The following FOXK2 variants were observed in gnomAD, a reference collection of about 807,000 sequenced individuals.
FOXK2 encodes forkhead box K2, also known as forkhead box protein K2.
Under a neutral mutation model 53.3 loss-of-function variants are expected in FOXK2, and 24 were observed. That is an observed-to-expected ratio of 0.45 (90% confidence interval 0.33 to 0.63). FOXK2 has a LOEUF of 0.63. Ranked by LOEUF, FOXK2 falls within the 30% of genes least tolerant of loss-of-function variation. The pLI is 0.03. For synonymous variants in FOXK2, 505 were observed against 407.1 expected (o/e 1.24, Z -2.89); for missense variants, 952 against 910.5 (o/e 1.05, Z -0.59).
At chr17:82,559,666 C>T (rs1208136003) in intron 1 of FOXK2, among the ~76,000 whole-genome samples, 1 of 148,440 alleles carries the variant, frequency 6.7e-6, no homozygotes, top group Non-Finnish European at 1.5e-5. Context: ...ACACACACCA[C>T]CCCCCACCCA....
intron 8 of FOXK2, chr17:82,598,971 C>T (rs1228816808): frequency 6.6e-6 from 1 of 152,344 alleles, no homozygotes. Context: ...CGTGGGTGGG[C>T]TCAGCGGCCT....
chr17:82,587,116 C>A lies in FOXK2; in HGVS notation c.1630C>A (p.Arg544=). The change falls in exon 8 of 9, where the codon CGG becomes AGG. Residue 544 remains arginine, a synonymous_variant. Coordinates refer to ENST00000335255, the MANE Select transcript of FOXK2 (RefSeq NM_004514.4). ...CCACGCCACGCTCGGCACTGCCAGCCGGATCATTCAGACGGCACAGACCAC... is the reference window on the plus strand; with the variant it reads ...CCACGCCACGCTCGGCACTGCCAGCAGGATCATTCAGACGGCACAGACCAC... ...IGHATLGTAS[R]IIQTAQTTPV... 1 of 1,613,084 alleles carries A rather than the reference C, an allele frequency of 6.2e-7. No homozygotes were observed. Among genetic ancestry groups the A allele is most frequent in the Non-Finnish European group, 8.5e-7 (1 of 1,180,026 alleles).
At chr17:82,558,960 A>G (rs1019937432) in intron 1 of FOXK2, among the ~76,000 whole-genome samples, 6 of 152,038 alleles carry the variant, frequency 3.9e-5, no homozygotes, top group African/African-American at 1.4e-4. Context: ...CGTGTTATCC[A>G]GGATGGTCTC....
intron 1 of FOXK2, among the ~76,000 whole-genome samples, chr17:82,521,423 C>T (rs922650473): frequency 4.6e-5 from 7 of 151,570 alleles, no homozygotes; most frequent in African/African-American, 1.7e-4. Flanking sequence ...CCACCCGCCT[C>T]GGCCTCCCAA....
chr17:82,587,120 T>C lies in FOXK2; in HGVS notation c.1634T>C (p.Ile545Thr). 1 of 1,613,048 alleles carries C rather than the reference T, an allele frequency of 6.2e-7. No homozygotes were observed. The change falls in exon 8 of 9, where the codon ATC (isoleucine) becomes ACC (threonine). Residue 545 changes from isoleucine to threonine, a missense_variant. Ile to Thr is a moderately conservative substitution (Grantham distance 89, BLOSUM62 -1). Transcript: ENST00000335255. ...GHATLGTASR[I>T]IQTAQTTPVQ... The stretch of plus-strand genomic sequence containing the variant: ...GCCACGCTCGGCACTGCCAGCCGGA[T>C]CATTCAGACGGCACAGACCACCCCG...
chr17:82,533,601 G>A (rs975359476), intron 1 of FOXK2, among the ~76,000 whole-genome samples: 23 of 152,132 alleles, frequency 1.5e-4, no homozygotes, highest in South Asian at 2.1e-4. Context: ...ACGGCTGTTC[G>A]CGTAGTAGGT....
intron 2 of FOXK2, among the ~76,000 whole-genome samples, chr17:82,565,031 C>T (rs1567975846): frequency 6.6e-6 from 1 of 152,112 alleles, no homozygotes; most frequent in Admixed American, 6.6e-5. Context: ...CGCCTGGCCT[C>T]ATCAAATGGT....
chr17:82,526,788 G>C (rs1172188920), intron 1 of FOXK2, among the ~76,000 whole-genome samples: 1 of 150,164 alleles, frequency 6.7e-6, no homozygotes, highest in Non-Finnish European at 1.5e-5. Context: ...CCGAGATCGC[G>C]CCACTGCACT....
intron 1 of FOXK2, chr17:82,559,561 T>C: frequency 2.2e-6 from 1 of 448,180 alleles, no homozygotes; most frequent in Non-Finnish European, 4.5e-6. Context: ...ACTCAGGAGA[T>C]GATGGGTGGG....
intron 1 of FOXK2, among the ~76,000 whole-genome samples, chr17:82,546,582 G>C (rs1465459621): frequency 6.6e-6 from 1 of 152,038 alleles, no homozygotes; most frequent in African/African-American, 2.4e-5. Context: ...AGTGCCCCAA[G>C]AGTGAAGTGC....
At chr17:82,530,480 C>T (rs985338682) in intron 1 of FOXK2, among the ~76,000 whole-genome samples, 1 of 146,940 alleles carries the variant, frequency 6.8e-6, no homozygotes, top group Non-Finnish European at 1.5e-5. Flanking sequence ...AGAGAAAACC[C>T]GAAATAAGGA....
intron 8 of FOXK2, among the ~76,000 whole-genome samples, chr17:82,589,102 C>G (rs143493885): frequency 5.9e-5 from 9 of 152,164 alleles, no homozygotes; most frequent in South Asian, 2.1e-4. Flanking sequence ...TTTAAGTTAT[C>G]TGGAATTTTT....
At chr17:82,601,282 G>C in intron 8 of FOXK2, 21 bp from the exon 9 acceptor site, 9 of 1,604,142 alleles carry the variant, frequency 5.6e-6, no homozygotes, top group Non-Finnish European at 7.7e-6. Context: ...GTGGGGTTCT[G>C]ACTCCCTCGT....
intron 2 of FOXK2, among the ~76,000 whole-genome samples, chr17:82,566,225 G>A (rs980180364): frequency 5.3e-5 from 8 of 151,778 alleles, no homozygotes; most frequent in Admixed American, 1.3e-4. Flanking sequence ...TAAATTTTAT[G>A]TTGTGTGTAT....
intron 8 of FOXK2, among the ~76,000 whole-genome samples, chr17:82,594,527 C>A (rs1382555577): frequency 2.0e-5 from 3 of 149,888 alleles, no homozygotes; most frequent in African/African-American, 7.4e-5. Flanking sequence ...GCTCCAGACA[C>A]TTCAGTTTGA....
At chr17:82,544,717 A>G (rs72861059) in intron 1 of FOXK2, among the ~76,000 whole-genome samples, 23,441 of 151,926 alleles carry the variant, frequency 0.15, 2,211 homozygotes, top group East Asian at 0.32. Flanking sequence ...TGGAAAAGGG[A>G]TTGTGGACCT....
At chr17:82,564,322 C>T (rs72862318) in intron 2 of FOXK2, among the ~76,000 whole-genome samples, 12 of 152,120 alleles carry the variant, frequency 7.9e-5, no homozygotes, top group Non-Finnish European at 1.3e-4. Context: ...CTCCTGACCT[C>T]GTCATCCACC....
intron 3 of FOXK2, among the ~76,000 whole-genome samples, chr17:82,569,485 TGA>T (rs930996876): frequency 2.0e-5 from 3 of 152,198 alleles, no homozygotes; most frequent in Non-Finnish European, 2.9e-5. Context: ...GGTAGTGGGC[TGA>T]GAGGGCCCAT....
chr17:82,544,831 T>C (rs990977284), intron 1 of FOXK2, among the ~76,000 whole-genome samples: 2 of 152,014 alleles, frequency 1.3e-5, no homozygotes, highest in Non-Finnish European at 2.9e-5. Flanking sequence ...CTGGCTTCCG[T>C]CCAGCTCTGT....
Sources: gnomAD v4.1 joint callset for allele counts (sites outside exome capture counted in the v4.1 genomes callset) on GRCh38, gnomAD v4.1.1 for gene constraint, MANE v1.5 for transcripts, NCBI Gene and HGNC (gene_info 2026-07-23, HGNC 2026-07-21) for gene names.